Variants in RBFOX3 observed in about 807,000 individuals in gnomAD.
RBFOX3 encodes RNA binding protein fox-1 homolog 3.
In RBFOX3, 17 loss-of-function variants were observed where a neutral mutation model predicts 48.7. The observed-to-expected ratio is 0.35, with a 90% CI of 0.24 to 0.52. RBFOX3 has a LOEUF of 0.52. Ranked by LOEUF, RBFOX3 falls within the 20% of genes least tolerant of loss-of-function variation. RBFOX3 has a pLI of 0.94. For missense variants in RBFOX3, 382 were observed against 497.5 expected, an observed-to-expected ratio of 0.77 and a Z score of 2.21; for synonymous variants, 212 against 209.5, an observed-to-expected ratio of 1.01 and a Z score of -0.10.
At chr17:79,621,341 G>A in the RBFOX3 span, among the ~76,000 whole-genome samples, 23 of 152,306 alleles carry the variant, frequency 1.5e-4, no homozygotes, top group East Asian at 1.2e-3. Flanking sequence ...ACCCAGCACC[G>A]AAGGGCTTGA....
At chr17:79,424,231 C>G (rs1181853985) in intron 2 of RBFOX3, 1 of 152,392 alleles carries the variant, frequency 6.6e-6, no homozygotes, top group African/African-American at 2.4e-5. Context: ...ACAGTAGGGG[C>G]TCTCCCAGCA....
chr17:79,623,823 TA>T, the RBFOX3 span, among the ~76,000 whole-genome samples: 377 of 106,006 alleles, frequency 3.6e-3, 2 homozygotes, highest in African/African-American at 8.3e-3. Context: ...ACTCTGTCTC[TA>T]AAAAAAAAAA....
chr17:79,578,943 C>T (rs1178594110), intron 1 of RBFOX3, among the ~76,000 whole-genome samples: 3 of 152,300 alleles, frequency 2.0e-5, no homozygotes, highest in South Asian at 2.1e-4. Context: ...TGGTTAGTTA[C>T]GTTCTCTAAG....
chr17:79,351,958 T>A (rs150544144), intron 2 of RBFOX3, among the ~76,000 whole-genome samples: 3 of 151,736 alleles, frequency 2.0e-5, no homozygotes, highest in Non-Finnish European at 4.4e-5. Context: ...CTGTGGGAAA[T>A]CAGGATGGGA....
chr17:79,125,050 G>T (rs1231856443), intron 4 of RBFOX3, among the ~76,000 whole-genome samples: 1 of 152,192 alleles, frequency 6.6e-6, no homozygotes, highest in East Asian at 1.9e-4. Context: ...TGTCCCTGGT[G>T]GTCCCTCCAA....
chr17:79,623,774 A>T, the RBFOX3 span, among the ~76,000 whole-genome samples: 2 of 150,990 alleles, frequency 1.3e-5, no homozygotes, highest in Admixed American at 1.3e-4. Flanking sequence ...GTCAGCCAAG[A>T]CTGCACCACT....
At chr17:79,491,163 G>A (rs1555772440) in intron 1 of RBFOX3, among the ~76,000 whole-genome samples, 1 of 37,760 alleles carries the variant, frequency 2.6e-5, no homozygotes, top group African/African-American at 1.3e-4. Context: ...GGAGGGGAGG[G>A]GAGGGGAGGA....
intron 12 of RBFOX3, among the ~76,000 whole-genome samples, chr17:79,096,027 C>A (rs2075161855): frequency 6.6e-6 from 1 of 152,184 alleles, no homozygotes; most frequent in Non-Finnish European, 1.5e-5. Flanking sequence ...GTGTCCTGGA[C>A]ACCAGGAAGG....
At chr17:79,196,525 A>G (rs371718850) in intron 4 of RBFOX3, among the ~76,000 whole-genome samples, 7 of 152,336 alleles carry the variant, frequency 4.6e-5, no homozygotes, top group Admixed American at 2.0e-4. Flanking sequence ...GTAGATGTTC[A>G]ATAAATCATG....
the RBFOX3 span, among the ~76,000 whole-genome samples, chr17:79,651,019 T>C: frequency 6.6e-6 from 1 of 152,194 alleles, no homozygotes; most frequent in African/African-American, 2.4e-5. Flanking sequence ...GCCAGCGCCA[T>C]CCAGGCAGGG....
At chr17:79,448,493 A>G (rs181829141) in intron 2 of RBFOX3, among the ~76,000 whole-genome samples, 237 of 152,346 alleles carry the variant, frequency 1.6e-3, no homozygotes, top group African/African-American at 5.6e-3. Flanking sequence ...ACGTGGAGAC[A>G]GAGGCAGGGA....
intron 3 of RBFOX3, among the ~76,000 whole-genome samples, chr17:79,259,946 A>G (rs1008939375): frequency 6.6e-6 from 1 of 152,034 alleles, no homozygotes; most frequent in Non-Finnish European, 1.5e-5. Context: ...AGGGATGTGA[A>G]TCCAGTCAGG....
chr17:79,492,556 G>A (rs2080844616), intron 1 of RBFOX3, among the ~76,000 whole-genome samples: 1 of 152,204 alleles, frequency 6.6e-6, no homozygotes, highest in Non-Finnish European at 1.5e-5. Context: ...AGCCCCAGTT[G>A]AGCCTTCCCA....
rs1045198760 is a variant in RBFOX3 at position 79,473,611 on chromosome 17, C to T, written c.-175+8843G>A. ...GGTTTATCTTTGCTTGCTTTCAGGC[C>T]CTCCCATAATGTTGACATCCTGATG... On this transcript the variant is annotated intron_variant, in intron 2 of 14. Coordinates refer to ENST00000693108, the MANE Select transcript of RBFOX3 (RefSeq NM_001350451.2). This position sits in a 1 kb window ranked among gnomAD's most constrained non-coding sequence, Gnocchi z 4.2. Among the ~76,000 whole-genome samples, 30 of 152,160 alleles carry T rather than the reference C, an allele frequency of 2.0e-4. No individual in the cohort carries two copies. The highest frequency in any genetic ancestry group is 6.5e-4 in the African/African-American group (27 of 41,490).
chr17:79,326,774 C>T (rs1436598058), intron 2 of RBFOX3, among the ~76,000 whole-genome samples: 2 of 152,194 alleles, frequency 1.3e-5, no homozygotes, highest in African/African-American at 4.8e-5. Flanking sequence ...CCCTCAGGCC[C>T]TGTCTACTTG....
the RBFOX3 span, among the ~76,000 whole-genome samples, chr17:79,616,768 A>T: frequency 6.6e-6 from 1 of 152,184 alleles, no homozygotes; most frequent in African/African-American, 2.4e-5. Context: ...GGAATGTATG[A>T]TCAAAACGCC....
intron 1 of RBFOX3, among the ~76,000 whole-genome samples, chr17:79,519,316 C>T (rs945027396): frequency 2.0e-5 from 3 of 152,378 alleles, no homozygotes; most frequent in South Asian, 4.1e-4. Flanking sequence ...GGAAGCAGAG[C>T]AAGAGACCTG....
intron 4 of RBFOX3, among the ~76,000 whole-genome samples, chr17:79,143,903 C>A (rs1415702784): frequency 6.6e-6 from 1 of 152,238 alleles, no homozygotes; most frequent in Non-Finnish European, 1.5e-5. Context: ...CTCTTCACGG[C>A]CACCCCTGTT....
intron 2 of RBFOX3, among the ~76,000 whole-genome samples, chr17:79,351,799 G>A (rs56238616): frequency 0.11 from 17,336 of 152,116 alleles, 1,119 homozygotes; most frequent in East Asian, 0.21. Context: ...CCACTTTCTC[G>A]ATAGTGTCCT....
Sources: gnomAD v4.1 joint callset for allele counts (sites outside exome capture counted in the v4.1 genomes callset) on GRCh38, gnomAD v4.1.1 for gene constraint, Gnocchi (gnomAD v3.1) non-coding constraint, MANE v1.5 for transcripts, NCBI Gene and HGNC (gene_info 2026-07-23, HGNC 2026-07-21) for gene names.